Variants in PRKG1 observed in about 807,000 individuals in gnomAD.
PRKG1 encodes protein kinase cGMP-dependent 1, also known as cGMP-dependent protein kinase 1.
Under a neutral mutation model 88.1 loss-of-function variants are expected in PRKG1, and 35 were observed. The ratio of observed to expected loss-of-function variants is 0.40; its 90% CI spans 0.30 to 0.53. The LOEUF (loss-of-function observed/expected upper bound fraction) is 0.53, where lower values mean the gene tolerates loss of function less well. Ranked by LOEUF, PRKG1 falls within the 20% of genes least tolerant of loss-of-function variation. The probability of loss-of-function intolerance (pLI) is 0.59; values close to 1 mark genes in which losing one functional copy is unlikely to be tolerated. For synonymous variants in PRKG1, 303 were observed against 292.5 expected (o/e 1.04, Z -0.37); for missense variants, 540 against 839.8 (o/e 0.64, Z 4.41).
At chr10:51,796,460 C>G (rs1209329832) in intron 3 of PRKG1, among the ~76,000 whole-genome samples, 1 of 151,978 alleles carries the variant, frequency 6.6e-6, no homozygotes, top group Non-Finnish European at 1.5e-5. Flanking sequence ...ACTTGTGCAT[C>G]TAATTTCACA....
intron 4 of PRKG1, among the ~76,000 whole-genome samples, chr10:51,839,968 G>A (rs192585492): frequency 2.1e-4 from 32 of 152,306 alleles, no homozygotes; most frequent in Non-Finnish European, 4.1e-4. Flanking sequence ...ATGGAGTTCA[G>A]TAAGTGACAG....
chr10:51,221,846 A>G (rs1034674782), intron 2 of PRKG1, among the ~76,000 whole-genome samples: 1 of 148,456 alleles, frequency 6.7e-6, no homozygotes, highest in African/African-American at 2.5e-5. Context: ...CTTCCCCTTT[A>G]TATTTTTGTT....
intron 3 of PRKG1, among the ~76,000 whole-genome samples, chr10:51,500,582 T>C (rs1238296800): frequency 6.6e-6 from 1 of 152,194 alleles, no homozygotes; most frequent in Non-Finnish European, 1.5e-5. Flanking sequence ...GAACCTTATA[T>C]TGGGGCTGAT....
chr10:52,178,893 C>A (rs369739578), intron 9 of PRKG1, among the ~76,000 whole-genome samples: 1 of 150,870 alleles, frequency 6.6e-6, no homozygotes, highest in African/African-American at 2.4e-5. Flanking sequence ...CTTTACGGCT[C>A]AGGTGAGTAT....
At chr10:51,490,296 G>T (rs1840670920) in intron 3 of PRKG1, among the ~76,000 whole-genome samples, 1 of 152,056 alleles carries the variant, frequency 6.6e-6, no homozygotes, top group South Asian at 2.1e-4. Context: ...TTCCACATTT[G>T]TGGTTCTTGC....
chr10:52,072,166 T>C (rs1846516153), intron 7 of PRKG1, among the ~76,000 whole-genome samples: 2 of 144,420 alleles, frequency 1.4e-5, no homozygotes, highest in African/African-American at 5.3e-5. Flanking sequence ...TGCTTTTTTT[T>C]TTTTTTTTTT....
chr10:51,360,066 G>C (rs964867675), intron 2 of PRKG1, among the ~76,000 whole-genome samples: 8 of 151,898 alleles, frequency 5.3e-5, no homozygotes, highest in Non-Finnish European at 8.8e-5. Flanking sequence ...TGTTAGTTGA[G>C]AATTATGGTA....
At chr10:51,206,872 G>A (rs1838075838) in intron 2 of PRKG1, among the ~76,000 whole-genome samples, 1 of 152,208 alleles carries the variant, frequency 6.6e-6, no homozygotes, top group East Asian at 1.9e-4. Context: ...TCAAGTGATA[G>A]TAGTGATAGT....
At chr10:51,596,992 T>C (rs1229652584) in intron 3 of PRKG1, among the ~76,000 whole-genome samples, 1 of 152,204 alleles carries the variant, frequency 6.6e-6, no homozygotes, top group African/African-American at 2.4e-5. Flanking sequence ...TTACTTTCTC[T>C]GGTGGCAGAA....
At chr10:51,000,215 G>A (rs1245343453) in intron 1 of PRKG1, among the ~76,000 whole-genome samples, 1 of 152,184 alleles carries the variant, frequency 6.6e-6, no homozygotes, top group Non-Finnish European at 1.5e-5. Context: ...TGAATAATTT[G>A]TTTCTTAAAA....
At chr10:51,574,325 G>A (rs1837832181) in intron 3 of PRKG1, among the ~76,000 whole-genome samples, 3 of 151,994 alleles carry the variant, frequency 2.0e-5, no homozygotes, top group East Asian at 1.9e-4. Context: ...GGATGTTATA[G>A]CTAATTTAAA....
intron 2 of PRKG1, among the ~76,000 whole-genome samples, chr10:51,319,012 C>A (rs1445613102): frequency 6.6e-6 from 1 of 152,168 alleles, no homozygotes; most frequent in East Asian, 1.9e-4. Flanking sequence ...CTTGCCATTT[C>A]TTTTTATAAG....
At chr10:51,319,380 C>A (rs1841399254) in intron 2 of PRKG1, among the ~76,000 whole-genome samples, 1 of 152,164 alleles carries the variant, frequency 6.6e-6, no homozygotes, top group African/African-American at 2.4e-5. Flanking sequence ...GAACATAATT[C>A]TTTGACCTAG....
intron 5 of PRKG1, among the ~76,000 whole-genome samples, chr10:51,957,282 CTTTTCT>C (rs1416662761): frequency 7.7e-3 from 8 of 1,044 alleles, no homozygotes; most frequent in Non-Finnish European, 0.016. Context: ...CTTTCCTTTT[CTTTTCT>C]TTTTTTTTTC....
chr10:51,284,409 C>T (rs186865821), intron 2 of PRKG1, among the ~76,000 whole-genome samples: 1 of 152,306 alleles, frequency 6.6e-6, no homozygotes, highest in Non-Finnish European at 1.5e-5. Context: ...AAAACTAGTA[C>T]TTGACATGGC....
chr10:52,036,066 T>C (rs13024664), intron 5 of PRKG1, among the ~76,000 whole-genome samples: 46 of 152,226 alleles, frequency 3.0e-4, no homozygotes, highest in African/African-American at 1.1e-3. Flanking sequence ...AGAATTATGC[T>C]GAGATAGGTA....
At chr10:51,012,470 A>C (rs1017777996) in intron 1 of PRKG1, among the ~76,000 whole-genome samples, 1 of 152,226 alleles carries the variant, frequency 6.6e-6, no homozygotes, top group African/African-American at 2.4e-5. Context: ...AAAGAGTTCC[A>C]TACCAGTCTA....
intron 1 of PRKG1, among the ~76,000 whole-genome samples, chr10:51,122,228 C>T (rs1815501319): frequency 6.6e-6 from 1 of 152,166 alleles, no homozygotes; most frequent in African/African-American, 2.4e-5. Flanking sequence ...TCTACCATCC[C>T]ACATGTGTAG....
At chr10:51,823,362 T>G (rs1839798118) in intron 4 of PRKG1, among the ~76,000 whole-genome samples, 1 of 152,158 alleles carries the variant, frequency 6.6e-6, no homozygotes, top group Non-Finnish European at 1.5e-5. Flanking sequence ...ATCCATTGCT[T>G]CTGTATGGCA....
Sources: gnomAD v4.1 joint callset for allele counts (sites outside exome capture counted in the v4.1 genomes callset) on GRCh38, gnomAD v4.1.1 for gene constraint, MANE v1.5 for transcripts, NCBI Gene and HGNC (gene_info 2026-07-23, HGNC 2026-07-21) for gene names.